The following CCDC91 variants were observed in gnomAD, a reference collection of about 807,000 sequenced individuals.
CCDC91 encodes coiled-coil domain-containing protein 91.
A neutral mutation model predicts 63.2 loss-of-function variants in CCDC91; 48 were observed. The ratio of observed to expected loss-of-function variants is 0.76; its 90% confidence interval spans 0.60 to 0.97. CCDC91 has a LOEUF of 0.97. Ranked by LOEUF, CCDC91 falls within the 50% of genes least tolerant of loss-of-function variation. CCDC91 has a pLI of 0.00. For synonymous variants in CCDC91, 167 were observed against 165.8 expected, an observed-to-expected ratio of 1.01 and a Z score of -0.06; for missense variants, 500 against 494.6, an observed-to-expected ratio of 1.01 and a Z score of -0.10.
chr12:28,266,179 A>T (rs942350749), intron 3 of CCDC91, among the ~76,000 whole-genome samples: 47 of 152,056 alleles, frequency 3.1e-4, no homozygotes, highest in African/African-American at 1.1e-3. Context: ...ATTGCAGTTC[A>T]TGTTTTTATT....
intron 3 of CCDC91, among the ~76,000 whole-genome samples, chr12:28,277,610 G>A (rs7298394): frequency 0.011 from 1,697 of 152,068 alleles, 15 homozygotes; most frequent in Non-Finnish European, 0.016. Context: ...CTGGTCTCAA[G>A]CATTTTGAGT....
chr12:28,434,119 C>T (rs1948772734), intron 8 of CCDC91, among the ~76,000 whole-genome samples: 1 of 151,644 alleles, frequency 6.6e-6, no homozygotes, highest in Admixed American at 6.6e-5. Context: ...TTTATATAGA[C>T]AGTCATGTCT....
At chr12:28,447,630 C>T (rs1188966009) in intron 8 of CCDC91, among the ~76,000 whole-genome samples, 7 of 146,412 alleles carry the variant, frequency 4.8e-5, no homozygotes, top group Admixed American at 4.1e-4. Flanking sequence ...GTGGGAGGAT[C>T]ACATGAAGCC....
chr12:28,546,143 T>TA (rs899430749), intron 12 of CCDC91, among the ~76,000 whole-genome samples: 2 of 152,104 alleles, frequency 1.3e-5, no homozygotes, highest in Non-Finnish European at 2.9e-5. Flanking sequence ...ATCCTCCAAA[T>TA]ACAACTATCC....
At chr12:28,524,549 G>T (rs939634525) in intron 12 of CCDC91, among the ~76,000 whole-genome samples, 7 of 152,082 alleles carry the variant, frequency 4.6e-5, no homozygotes, top group Non-Finnish European at 1.0e-4. Context: ...AGGGATATTG[G>T]TCGGTAGTTT....
intron 7 of CCDC91, among the ~76,000 whole-genome samples, chr12:28,375,273 T>TATTATC (rs1406224110): frequency 6.6e-6 from 1 of 152,046 alleles, no homozygotes; most frequent in Non-Finnish European, 1.5e-5. Flanking sequence ...AAATATTAGG[T>TATTATC]ATTATCATTA....
chr12:28,527,628 G>A (rs1483483177), intron 12 of CCDC91, among the ~76,000 whole-genome samples: 3 of 152,048 alleles, frequency 2.0e-5, no homozygotes, highest in Non-Finnish European at 4.4e-5. Context: ...GAGTATGGGG[G>A]GGGAACATTT....
intron 8 of CCDC91, among the ~76,000 whole-genome samples, chr12:28,418,335 TA>T (rs1409957855): frequency 6.6e-6 from 1 of 152,154 alleles, no homozygotes; most frequent in African/African-American, 2.4e-5. Flanking sequence ...GATAAAAATT[TA>T]AAAATGAAAT....
intron 12 of CCDC91, among the ~76,000 whole-genome samples, chr12:28,523,267 G>A (rs1940915221): frequency 6.6e-6 from 1 of 152,086 alleles, no homozygotes; most frequent in Non-Finnish European, 1.5e-5. Context: ...CCTGTATTGG[G>A]TGCATATATA....
chr12:28,354,147 T>C (rs1592401328), intron 6 of CCDC91, among the ~76,000 whole-genome samples: 1 of 152,206 alleles, frequency 6.6e-6, no homozygotes, highest in Admixed American at 6.5e-5. Context: ...CAGAAAATTA[T>C]GTTATGGAGG....
intron 3 of CCDC91, chr12:28,304,845 A>G: frequency 3.4e-6 from 1 of 292,012 alleles, no homozygotes; most frequent in Non-Finnish European, 6.6e-6. Flanking sequence ...CAAGTAATAT[A>G]TGTACGACAT....
chr12:28,384,868 T>G (rs545781378), intron 7 of CCDC91, among the ~76,000 whole-genome samples: 2 of 152,264 alleles, frequency 1.3e-5, no homozygotes, highest in East Asian at 3.9e-4. Context: ...TTCATCATTT[T>G]TACAAATGTA....
intron 12 of CCDC91, among the ~76,000 whole-genome samples, chr12:28,515,390 T>A (rs1363105981): frequency 2.0e-5 from 3 of 151,870 alleles, no homozygotes; most frequent in East Asian, 3.9e-4. Flanking sequence ...TCTTGTAAAA[T>A]GGCCTCAAGA....
intron 11 of CCDC91, among the ~76,000 whole-genome samples, chr12:28,477,834 G>A (rs1951197577): frequency 6.6e-6 from 1 of 152,082 alleles, no homozygotes; most frequent in Non-Finnish European, 1.5e-5. Context: ...CAAACAGAGA[G>A]CCAAATCATG....
intron 8 of CCDC91, among the ~76,000 whole-genome samples, chr12:28,418,780 GTTA>G (rs1947831706): frequency 6.6e-6 from 1 of 152,088 alleles, no homozygotes; most frequent in Admixed American, 6.6e-5. Flanking sequence ...AGTTTTGGTT[GTTA>G]TTATATGCAG....
At chr12:28,440,887 T>C (rs77471541) in intron 8 of CCDC91, among the ~76,000 whole-genome samples, 30,485 of 151,076 alleles carry the variant, frequency 0.2, 4,025 homozygotes, top group Non-Finnish European at 0.3. Flanking sequence ...GGTGAAACCC[T>C]GTCTCTACTA....
intron 1 of CCDC91, among the ~76,000 whole-genome samples, chr12:28,247,087 T>A (rs1032500543): frequency 2.0e-5 from 3 of 152,186 alleles, no homozygotes; most frequent in African/African-American, 4.8e-5. Flanking sequence ...CATCATATGG[T>A]TCAAACACAA....
intron 7 of CCDC91, among the ~76,000 whole-genome samples, chr12:28,389,697 G>A (rs1945819411): frequency 6.6e-6 from 1 of 151,998 alleles, no homozygotes; most frequent in African/African-American, 2.4e-5. Context: ...TGGAACCATG[G>A]CAAATAGGGA....
intron 11 of CCDC91, among the ~76,000 whole-genome samples, chr12:28,455,721 A>G (rs1258436598): frequency 6.6e-6 from 1 of 152,062 alleles, no homozygotes; most frequent in African/African-American, 2.4e-5. Flanking sequence ...AATAGCAGTA[A>G]GATAATAGCA....
Sources: allele counts gnomAD v4.1 joint callset (sites outside exome capture counted in the v4.1 genomes callset), GRCh38; gene constraint gnomAD v4.1.1; transcripts MANE v1.5; gene names NCBI Gene and HGNC (gene_info 2026-07-23, HGNC 2026-07-21).